PDLIM5: variants seen among roughly 807,000 people sequenced by gnomAD.
The protein encoded by PDLIM5 is PDZ and LIM domain 5.
In PDLIM5, 34 loss-of-function variants were observed where a neutral mutation model predicts 64.2. The observed-to-expected ratio is 0.53, with a 90% CI of 0.40 to 0.71. The LOEUF (loss-of-function observed/expected upper bound fraction) is 0.71, where lower values mean the gene tolerates loss of function less well. Ranked by LOEUF, PDLIM5 falls within the 30% of genes least tolerant of loss-of-function variation. The probability of loss-of-function intolerance (pLI) is 0.00; values close to 1 mark genes in which losing one functional copy is unlikely to be tolerated. For synonymous variants in PDLIM5, 253 were observed against 269.1 expected (o/e 0.94, Z 0.59); for missense variants, 683 against 733.6 (o/e 0.93, Z 0.80).
intron 6 of PDLIM5, 130 bp downstream of exon 6, chr4:94,585,867 T>C: frequency 3.0e-6 from 2 of 658,192 alleles, no homozygotes; most frequent in Non-Finnish European, 5.2e-6. Flanking sequence ...GTGCATAACA[T>C]GGGTAATATA....
At chr4:94,464,730 T>A (rs940612030) in intron 2 of PDLIM5, among the ~76,000 whole-genome samples, 1 of 152,158 alleles carries the variant, frequency 6.6e-6, no homozygotes. Flanking sequence ...CTACAAATGG[T>A]TGTTTTGATC....
intron 3 of PDLIM5, among the ~76,000 whole-genome samples, chr4:94,531,845 C>T (rs953910799): frequency 1.3e-5 from 2 of 152,060 alleles, no homozygotes; most frequent in African/African-American, 2.4e-5. Flanking sequence ...TCATTTTTTA[C>T]TCTCCCCTGT....
chr4:94,464,036 A>G lies in PDLIM5; in HGVS notation c.96+8652A>G, dbSNP rs543586555. Among the ~76,000 whole-genome samples, 3 of 152,334 alleles carry G rather than the reference A, an allele frequency of 2.0e-5. No individual in the cohort carries two copies. In the East Asian group the frequency reaches 5.8e-4, roughly 29 times the overall value. ...GTATGTGTTGGTAACTATAGTAACAAAAAGAGTAAGGATGCCAGGGATATT... is the reference window on the plus strand; with the variant it reads ...GTATGTGTTGGTAACTATAGTAACAGAAAGAGTAAGGATGCCAGGGATATT... On this transcript the variant is annotated intron_variant, in intron 2 of 12. Coordinates refer to ENST00000317968, the MANE Select transcript of PDLIM5 (RefSeq NM_006457.5).
intron 9 of PDLIM5, among the ~76,000 whole-genome samples, 159 bp downstream of exon 9, chr4:94,640,609 A>T (rs940593962): frequency 1.3e-5 from 2 of 151,346 alleles, no homozygotes; most frequent in African/African-American, 4.9e-5. Flanking sequence ...ATATCTATCT[A>T]TGAGAATCTA....
At chr4:94,500,244 A>G (rs1027446754) in intron 2 of PDLIM5, among the ~76,000 whole-genome samples, 2 of 152,242 alleles carry the variant, frequency 1.3e-5, no homozygotes, top group African/African-American at 2.4e-5. Flanking sequence ...AACTCAAAGT[A>G]TAATTTTTTC....
chr4:94,477,536 G>A (rs1462432380), intron 2 of PDLIM5, among the ~76,000 whole-genome samples: 1 of 152,092 alleles, frequency 6.6e-6, no homozygotes, highest in Non-Finnish European at 1.5e-5. Context: ...TTCTTTAAAC[G>A]TTGAAACTTG....
chr4:94,523,641 G>C, intron 2 of PDLIM5, 83 bp from the exon 3 acceptor site: 6 of 976,436 alleles, frequency 6.1e-6, no homozygotes, highest in South Asian at 1.7e-5. Flanking sequence ...TATACTTTTG[G>C]TATAAGCAAA....
At chr4:94,476,286 TC>T (rs1725315444) in intron 2 of PDLIM5, among the ~76,000 whole-genome samples, 1 of 152,178 alleles carries the variant, frequency 6.6e-6, no homozygotes, top group African/African-American at 2.4e-5. Context: ...CCCAAACCTT[TC>T]TGGACACGTA....
intron 7 of PDLIM5, chr4:94,610,159 A>G: frequency 6.6e-7 from 1 of 1,508,538 alleles, no homozygotes; most frequent in East Asian, 2.5e-5. Flanking sequence ...CCTACCTGTC[A>G]GTTTAAGCAG....
chr4:94,515,151 A>C (rs1263111193), intron 2 of PDLIM5, among the ~76,000 whole-genome samples: 3 of 152,142 alleles, frequency 2.0e-5, no homozygotes, highest in Non-Finnish European at 4.4e-5. Flanking sequence ...AATATAAGAT[A>C]CAGTTAGTTT....
At chr4:94,598,470 T>C (rs1379921003) in intron 7 of PDLIM5, among the ~76,000 whole-genome samples, 1 of 152,136 alleles carries the variant, frequency 6.6e-6, no homozygotes, top group East Asian at 1.9e-4. Flanking sequence ...GTAGTTGATA[T>C]TAGACGATAA....
At chr4:94,653,129 A>T (rs1448629843) in intron 9 of PDLIM5, among the ~76,000 whole-genome samples, 1 of 151,988 alleles carries the variant, frequency 6.6e-6, no homozygotes, top group African/African-American at 2.4e-5. Context: ...TCGCTTAGGG[A>T]TGATAAGTGA....
chr4:94,609,418 T>A (rs1348628777), intron 7 of PDLIM5, among the ~76,000 whole-genome samples: 1 of 152,172 alleles, frequency 6.6e-6, no homozygotes, highest in Non-Finnish European at 1.5e-5. Flanking sequence ...CAAGGGAAAA[T>A]TATTATTTTA....
intron 2 of PDLIM5, among the ~76,000 whole-genome samples, chr4:94,516,583 G>A (rs1346925488): frequency 6.6e-6 from 1 of 152,072 alleles, no homozygotes; most frequent in East Asian, 1.9e-4. Context: ...GAGTATGGTA[G>A]TGCAATCATG....
At chr4:94,490,089 T>C (rs1726728002) in intron 2 of PDLIM5, among the ~76,000 whole-genome samples, 1 of 151,844 alleles carries the variant, frequency 6.6e-6, no homozygotes, top group Admixed American at 6.6e-5. Flanking sequence ...CTAATATATA[T>C]TTTTATGTGG....
intron 5 of PDLIM5, among the ~76,000 whole-genome samples, chr4:94,576,278 C>A (rs139073643): frequency 1.5e-3 from 189 of 126,912 alleles, no homozygotes; most frequent in Non-Finnish European, 2.5e-3. Flanking sequence ...CTCTGTAACT[C>A]ATTTTTTGTA....
chr4:94,474,693 T>G (rs543157435), intron 2 of PDLIM5, among the ~76,000 whole-genome samples: 1 of 152,298 alleles, frequency 6.6e-6, no homozygotes, highest in Admixed American at 6.5e-5. Context: ...AGGGTCTTGC[T>G]CTGGCACCAA....
intron 3 of PDLIM5, among the ~76,000 whole-genome samples, chr4:94,553,083 T>G (rs1732957231): frequency 6.6e-6 from 1 of 152,162 alleles, no homozygotes; most frequent in Non-Finnish European, 1.5e-5. Flanking sequence ...TTTATGTTTC[T>G]AAATACTAAC....
chr4:94,500,143 TAGAC>T (rs1264512256), intron 2 of PDLIM5, among the ~76,000 whole-genome samples: 1 of 152,330 alleles, frequency 6.6e-6, no homozygotes, highest in South Asian at 2.1e-4. Context: ...TTCCTTTCAT[TAGAC>T]AGACGCTTTT....
Sources: allele counts gnomAD v4.1 joint callset (sites outside exome capture counted in the v4.1 genomes callset), GRCh38; gene constraint gnomAD v4.1.1; transcripts MANE v1.5; gene names NCBI Gene and HGNC (gene_info 2026-07-23, HGNC 2026-07-21).